The following RALGPS1 variants were observed in gnomAD, a reference collection of about 807,000 sequenced individuals.
The protein encoded by RALGPS1 is Ral GEF with PH domain and SH3 binding motif 1, also known as ras-specific guanine nucleotide-releasing factor RalGPS1.
A neutral mutation model predicts 78.8 loss-of-function variants in RALGPS1; 19 were observed. The observed-to-expected ratio is 0.24, with a 90% CI of 0.17 to 0.35. The LOEUF (loss-of-function observed/expected upper bound fraction) is 0.35. Among genes scored for constraint, RALGPS1 ranks in the 10% least tolerant of loss-of-function variants. RALGPS1 has a pLI of 1.00. For synonymous variants in RALGPS1, 228 were observed against 256.3 expected (o/e 0.89, Z 1.06); for missense variants, 454 against 688.3 (o/e 0.66, Z 3.81).
chr9:127,102,244 G>C (rs1392016117), intron 8 of RALGPS1, among the ~76,000 whole-genome samples: 1 of 151,458 alleles, frequency 6.6e-6, no homozygotes, highest in Non-Finnish European at 1.5e-5. Flanking sequence ...ATAAAGAAAG[G>C]AAGTTTATTT....
At chr9:126,921,255 T>C (rs2034720889) in intron 1 of RALGPS1, among the ~76,000 whole-genome samples, 1 of 152,226 alleles carries the variant, frequency 6.6e-6, no homozygotes. Flanking sequence ...CACCAAGCGC[T>C]CAAGGAGTCC....
rs771622814 is a variant in RALGPS1, at chr9:127,168,668, AC to A, written c.749-9del. ...AGCCTAAAGTTTCTGGATGTGGTCCACCTTTTGCAGATCACCTCACCACCCT... is the reference window on the plus strand; with the variant it reads ...AGCCTAAAGTTTCTGGATGTGGTCCACTTTTGCAGATCACCTCACCACCCT... On this transcript the variant is annotated splice_polypyrimidine_tract_variant and intron_variant, in intron 9 of 18. Transcript: ENST00000259351. The A allele has an allele frequency of 1.3e-6, 2 of 1,593,668 alleles. No individual in the cohort carries two copies. Among genetic ancestry groups the A allele is most frequent in the African/African-American group, 2.7e-5 (2 of 74,604 alleles).
At chr9:127,134,524 T>A (rs1303389652) in intron 8 of RALGPS1, among the ~76,000 whole-genome samples, 1 of 152,218 alleles carries the variant, frequency 6.6e-6, no homozygotes, top group Non-Finnish European at 1.5e-5. Context: ...TGTGAAGCTC[T>A]TTGTTAATTC....
chr9:127,093,804 CG>C (rs2052775237), intron 8 of RALGPS1: 1 of 1,614,044 alleles, frequency 6.2e-7, no homozygotes, highest in African/African-American at 1.3e-5. Flanking sequence ...GTCCAGCCCC[CG>C]GGGTCGTGTC....
intron 11 of RALGPS1, among the ~76,000 whole-genome samples, chr9:127,191,687 TG>T (rs1275313493): frequency 7.5e-5 from 11 of 147,240 alleles, no homozygotes; most frequent in African/African-American, 2.7e-4. Flanking sequence ...TTTTGTTTTT[TG>T]GGTTTTTTTT....
At chr9:127,142,351 G>T (rs1012420822) in intron 8 of RALGPS1, among the ~76,000 whole-genome samples, 16 of 152,186 alleles carry the variant, frequency 1.1e-4, no homozygotes, top group Admixed American at 5.9e-4. Context: ...GCCACACTAT[G>T]CTGCGAGTGG....
At chr9:127,087,865 T>A (rs2051956805) in intron 8 of RALGPS1, 1 of 152,548 alleles carries the variant, frequency 6.6e-6, no homozygotes, top group East Asian at 1.9e-4. Context: ...GAGATAATTC[T>A]CCTGGCCAGA....
chr9:126,917,508 C>T (rs2034295500), intron 1 of RALGPS1, among the ~76,000 whole-genome samples: 1 of 152,184 alleles, frequency 6.6e-6, no homozygotes, highest in African/African-American at 2.4e-5. Flanking sequence ...GGAAGTCAGT[C>T]AGGTCTGTTT....
intron 14 of RALGPS1, among the ~76,000 whole-genome samples, chr9:127,202,266 G>C (rs2061674486): frequency 6.6e-6 from 1 of 152,208 alleles, no homozygotes; most frequent in Admixed American, 6.5e-5. Flanking sequence ...AGGCAGGCAG[G>C]AGTTTCTATT....
intron 14 of RALGPS1, chr9:127,210,449 C>T (rs2130883394): frequency 3.6e-6 from 2 of 550,624 alleles, no homozygotes; most frequent in Middle Eastern, 4.8e-4. Flanking sequence ...GGTGAACACT[C>T]AATAAAAAGT....
chr9:126,973,173 G>A (rs958577256), intron 3 of RALGPS1, among the ~76,000 whole-genome samples: 1 of 152,064 alleles, frequency 6.6e-6, no homozygotes, highest in African/African-American at 2.4e-5. Flanking sequence ...TTAGAGATCA[G>A]CCTGGGCAAC....
intron 4 of RALGPS1, among the ~76,000 whole-genome samples, chr9:127,013,791 G>A (rs369111338): frequency 6.6e-5 from 10 of 152,084 alleles, no homozygotes; most frequent in East Asian, 1.9e-4. Flanking sequence ...CTGGCCTCCC[G>A]ACTCACTCTC....
intron 1 of RALGPS1, among the ~76,000 whole-genome samples, chr9:126,924,681 A>T (rs2035094689): frequency 6.6e-6 from 1 of 152,236 alleles, no homozygotes; most frequent in East Asian, 1.9e-4. Context: ...AAAGGATTGT[A>T]CCAATAACTG....
At chr9:126,942,796 A>G (rs2131487865) in intron 1 of RALGPS1, among the ~76,000 whole-genome samples, 1 of 152,302 alleles carries the variant, frequency 6.6e-6, no homozygotes, top group South Asian at 2.1e-4. Flanking sequence ...TGGCTTTACA[A>G]TACTGTCTCC....
chr9:127,216,785 G>C, intron 18 of RALGPS1: 1 of 904,644 alleles, frequency 1.1e-6, no homozygotes, highest in Non-Finnish European at 1.5e-6. Context: ...TGCATTAAGA[G>C]AGGAAGAGCA....
chr9:126,961,513 A>T (rs1315960832), intron 1 of RALGPS1, among the ~76,000 whole-genome samples: 1 of 152,202 alleles, frequency 6.6e-6, no homozygotes, highest in Non-Finnish European at 1.5e-5. Flanking sequence ...GGTTTAAAAG[A>T]AAAATCAAGG....
chr9:127,088,756 A>G, intron 8 of RALGPS1: 1 of 678,376 alleles, frequency 1.5e-6, no homozygotes, highest in Non-Finnish European at 2.5e-6. Context: ...AGTAGGAGGG[A>G]CAGAAAACAC....
intron 1 of RALGPS1, among the ~76,000 whole-genome samples, chr9:126,924,891 C>T (rs2987301): frequency 0.028 from 4,201 of 152,166 alleles, 53 homozygotes; most frequent in Middle Eastern, 0.048. Context: ...TTTGGGAGGC[C>T]GAGGCGGGTG....
At chr9:127,139,860 A>T (rs937497800) in intron 8 of RALGPS1, among the ~76,000 whole-genome samples, 1 of 152,226 alleles carries the variant, frequency 6.6e-6, no homozygotes, top group African/African-American at 2.4e-5. Context: ...TTTTATTCAT[A>T]GTCTGAGTTC....
Sources: gnomAD v4.1 joint callset for allele counts (sites outside exome capture counted in the v4.1 genomes callset) on GRCh38, gnomAD v4.1.1 for gene constraint, MANE v1.5 for transcripts, NCBI Gene and HGNC (gene_info 2026-07-23, HGNC 2026-07-21) for gene names.